The following ERC2 variants were observed in gnomAD, a reference collection of about 807,000 sequenced individuals.
ERC2 encodes the protein ELKS/RAB6-interacting/CAST family member 2.
In ERC2, 42 loss-of-function variants were observed where a neutral mutation model predicts 114.8. The observed-to-expected ratio is 0.37, with a 90% confidence interval of 0.29 to 0.47. The LOEUF (loss-of-function observed/expected upper bound fraction) is 0.47. ERC2 is among the 20% of genes least tolerant of loss of function. ERC2 has a pLI of 0.99. For missense variants in ERC2, 939 were observed against 1,150.7 expected, an observed-to-expected ratio of 0.82 and a Z score of 2.66; for synonymous variants, 454 against 425.5, an observed-to-expected ratio of 1.07 and a Z score of -0.82.
intron 3 of ERC2, among the ~76,000 whole-genome samples, chr3:56,179,154 A>C: frequency 6.6e-6 from 1 of 152,206 alleles, no homozygotes; most frequent in East Asian, 1.9e-4. Flanking sequence ...GGTGGCATGC[A>C]GCCCATAGAC....
intron 14 of ERC2, among the ~76,000 whole-genome samples, chr3:55,847,888 T>A: frequency 6.6e-6 from 1 of 152,144 alleles, no homozygotes; most frequent in East Asian, 1.9e-4. Context: ...AGCCTTGACC[T>A]CCTGGGCTCA....
At chr3:55,532,178 G>T (rs2053707303) in intron 17 of ERC2, among the ~76,000 whole-genome samples, 1 of 152,194 alleles carries the variant, frequency 6.6e-6, no homozygotes, top group Non-Finnish European at 1.5e-5. Context: ...TGAATGGGAA[G>T]ACCATAGAGC....
intron 17 of ERC2, among the ~76,000 whole-genome samples, chr3:55,513,153 A>G (rs1176569642): frequency 1.3e-5 from 2 of 152,166 alleles, no homozygotes; most frequent in Non-Finnish European, 2.9e-5. Context: ...AGCCAACAAC[A>G]GCGCCATTTC....
Position 55,730,707 on chromosome 3 carries a change from C to CA in ERC2, c.2712+4063dup, listed in dbSNP as rs1254057931. 4.6e-5 allele frequency among the ~76,000 whole-genome samples: 7 copies of CA among 152,142 alleles called. No individual in the cohort carries two copies. The South Asian group carries it at 6.2e-4, about 14-fold the overall frequency. On this transcript the variant is annotated intron_variant, in intron 15 of 17. Transcript: ENST00000288221. ...GCAATGTAGTGAAACCCCATTTCTA[C>CA]AAAAAAATACAAAAATGAGCTAGGA...
intron 17 of ERC2, among the ~76,000 whole-genome samples, chr3:55,582,533 G>T (rs2057314322): frequency 6.6e-6 from 1 of 152,192 alleles, no homozygotes; most frequent in Non-Finnish European, 1.5e-5. Context: ...TTTTTTAAAT[G>T]AATGATCTAT....
At chr3:56,032,875 GAAAGAAAGAA>G in intron 7 of ERC2, among the ~76,000 whole-genome samples, 1 of 112,130 alleles carries the variant, frequency 8.9e-6, no homozygotes, top group Non-Finnish European at 1.9e-5. Context: ...AAGAAAGAAA[GAAAGAAAGAA>G]AGAGAGAGAG....
At chr3:56,367,777 G>T (rs2059205988) in intron 2 of ERC2, among the ~76,000 whole-genome samples, 1 of 151,732 alleles carries the variant, frequency 6.6e-6, no homozygotes, top group African/African-American at 2.4e-5. Context: ...AAGCTAATTG[G>T]ACTATCCCAG....
At chr3:56,107,116 T>C (rs528720768) in intron 6 of ERC2, among the ~76,000 whole-genome samples, 23 of 151,942 alleles carry the variant, frequency 1.5e-4, no homozygotes, top group Non-Finnish European at 2.5e-4. Flanking sequence ...TTCCAATATA[T>C]AGCCCCCAAA....
intron 17 of ERC2, among the ~76,000 whole-genome samples, chr3:55,683,339 A>G (rs970852241): frequency 1.3e-5 from 2 of 152,134 alleles, no homozygotes; most frequent in Non-Finnish European, 2.9e-5. Flanking sequence ...GAAGATACAT[A>G]TTTTATTTTC....
At chr3:55,715,292 A>G (rs1173752585) in intron 15 of ERC2, among the ~76,000 whole-genome samples, 2 of 152,162 alleles carry the variant, frequency 1.3e-5, no homozygotes. Flanking sequence ...CGGCTGGATC[A>G]AGTCACTGTC....
At chr3:55,699,913 A>G (rs2063131433) in intron 15 of ERC2, among the ~76,000 whole-genome samples, 1 of 152,178 alleles carries the variant, frequency 6.6e-6, no homozygotes, top group Admixed American at 6.5e-5. Flanking sequence ...GTATGGAAAG[A>G]TGGGAAGGGC....
chr3:55,511,802 A>G (rs1054077010), intron 17 of ERC2, among the ~76,000 whole-genome samples: 2 of 152,216 alleles, frequency 1.3e-5, no homozygotes, highest in Non-Finnish European at 2.9e-5. Context: ...GCCCTGGGGA[A>G]CAGGTATCCA....
chr3:55,530,206 T>TA (rs1250052598), intron 17 of ERC2, among the ~76,000 whole-genome samples: 3 of 152,350 alleles, frequency 2.0e-5, no homozygotes, highest in African/African-American at 7.2e-5. Flanking sequence ...AAATGATGTT[T>TA]AGGTTTATGA....
At chr3:55,848,271 C>T (rs1316315410) in intron 14 of ERC2, among the ~76,000 whole-genome samples, 1 of 152,204 alleles carries the variant, frequency 6.6e-6, no homozygotes. Flanking sequence ...ATTAATTTTA[C>T]TCACTCAATA....
intron 17 of ERC2, among the ~76,000 whole-genome samples, chr3:55,631,243 T>G (rs892025151): frequency 2.0e-5 from 3 of 152,190 alleles, no homozygotes; most frequent in Non-Finnish European, 4.4e-5. Flanking sequence ...TGAGTTCTGG[T>G]GCTTGTACCA....
At chr3:55,652,277 C>A in intron 17 of ERC2, among the ~76,000 whole-genome samples, 1 of 152,294 alleles carries the variant, frequency 6.6e-6, no homozygotes, top group African/African-American at 2.4e-5. Context: ...TGATGGTTTG[C>A]GACAACCTGA....
intron 17 of ERC2, among the ~76,000 whole-genome samples, chr3:55,553,449 TGTGG>T (rs1223684960): frequency 1.3e-5 from 2 of 152,168 alleles, no homozygotes; most frequent in South Asian, 4.2e-4. Context: ...ATGGAGGTAT[TGTGG>T]GGTTAAGGAA....
At chr3:55,589,371 T>A (rs926245255) in intron 17 of ERC2, among the ~76,000 whole-genome samples, 1 of 152,004 alleles carries the variant, frequency 6.6e-6, no homozygotes, top group Non-Finnish European at 1.5e-5. Flanking sequence ...TCTGTGAGAA[T>A]TGGAAAAAGG....
At chr3:56,009,660 G>A (rs1257302636) in intron 9 of ERC2, among the ~76,000 whole-genome samples, 1 of 152,070 alleles carries the variant, frequency 6.6e-6, no homozygotes, top group Non-Finnish European at 1.5e-5. Context: ...CAATCTCCAC[G>A]CATCTCAGAG....
Sources: gnomAD v4.1 joint callset for allele counts (sites outside exome capture counted in the v4.1 genomes callset) on GRCh38, gnomAD v4.1.1 for gene constraint, MANE v1.5 for transcripts, NCBI Gene and HGNC (gene_info 2026-07-23, HGNC 2026-07-21) for gene names.